Variants in STRBP observed in about 807,000 individuals in gnomAD.
STRBP encodes spermatid perinuclear RNA binding protein, also known as spermatid perinuclear RNA-binding protein.
STRBP carries 13 observed loss-of-function variants against 80.1 expected under a neutral mutation model. The observed-to-expected ratio is 0.16, with a 90% CI of 0.11 to 0.26. The LOEUF is 0.26. STRBP is among the 10% of genes least tolerant of loss of function. The pLI is 1.00. For missense variants in STRBP, 485 were observed against 815.2 expected, an observed-to-expected ratio of 0.59 and a Z score of 4.93; for synonymous variants, 284 against 291.2, an observed-to-expected ratio of 0.98 and a Z score of 0.25.
chr9:123,252,856 GA>G (rs1174157159), intron 1 of STRBP, among the ~76,000 whole-genome samples: 1 of 152,152 alleles, frequency 6.6e-6, no homozygotes, highest in African/African-American at 2.4e-5. Flanking sequence ...TTACTGAAGG[GA>G]AGTAACATGA....
chr9:123,257,678 C>A (rs2041064162), intron 1 of STRBP, among the ~76,000 whole-genome samples: 1 of 152,050 alleles, frequency 6.6e-6, no homozygotes, highest in African/African-American at 2.4e-5. Context: ...ATTAGCCAGG[C>A]ATGGTGGCAC....
intron 2 of STRBP, among the ~76,000 whole-genome samples, chr9:123,199,647 A>C (rs887759075): frequency 6.6e-6 from 1 of 152,194 alleles, no homozygotes; most frequent in African/African-American, 2.4e-5. Flanking sequence ...CAGATGTTAT[A>C]AAAGGGACTG....
chr9:123,164,689 G>A (rs2037677911), intron 6 of STRBP, among the ~76,000 whole-genome samples: 1 of 152,128 alleles, frequency 6.6e-6, no homozygotes, highest in Non-Finnish European at 1.5e-5. Flanking sequence ...AGTATCATGA[G>A]GGGCTCCTTG....
intron 16 of STRBP, among the ~76,000 whole-genome samples, chr9:123,133,685 A>T (rs1588457903): frequency 6.6e-6 from 1 of 151,972 alleles, no homozygotes; most frequent in South Asian, 2.1e-4. Context: ...AATTACAGGC[A>T]CCCGCCACCA....
At chr9:123,170,297 A>G (rs1020993724) in intron 5 of STRBP, among the ~76,000 whole-genome samples, 1 of 152,212 alleles carries the variant, frequency 6.6e-6, no homozygotes, top group Non-Finnish European at 1.5e-5. Flanking sequence ...TTATGAAACA[A>G]TATTTAAAAC....
At chr9:123,196,268 C>T (rs1233364878) in intron 2 of STRBP, among the ~76,000 whole-genome samples, 1 of 152,078 alleles carries the variant, frequency 6.6e-6, no homozygotes, top group Non-Finnish European at 1.5e-5. Flanking sequence ...AACTATAAAA[C>T]TACTAAAAGA....
intron 2 of STRBP, among the ~76,000 whole-genome samples, chr9:123,235,393 T>A (rs2040526929): frequency 6.6e-6 from 1 of 150,484 alleles, no homozygotes. Flanking sequence ...ACTGAAAGAA[T>A]GCTAGTCCCA....
At position 123,115,616 on chromosome 9, in the gene STRBP, C is replaced by T; in HGVS notation, c.*84+313G>A. ...GAGCCTGGTAAGAAGCAGTAGGTGACAGTGAATGGTTTTTCTCAATAAATC... is the reference window on the plus strand; with the variant it reads ...GAGCCTGGTAAGAAGCAGTAGGTGATAGTGAATGGTTTTTCTCAATAAATC... On this transcript the variant is annotated intron_variant and NMD_transcript_variant, in intron 3 of 3. Transcript: ENST00000471564. The surrounding 1 kb of genome is among the most constrained non-coding windows in gnomAD (Gnocchi z 5.0). 2.9e-6 allele frequency: 1 copy of T among 342,862 alleles called. No homozygotes were observed. The highest frequency in any genetic ancestry group is 5.8e-6 in the Non-Finnish European group (1 of 173,604). 21.2% of individuals were successfully genotyped at this position (342,862 alleles called of 1,614,324 possible).
At chr9:123,226,150 G>A (rs1438229094) in intron 2 of STRBP, among the ~76,000 whole-genome samples, 2 of 152,156 alleles carry the variant, frequency 1.3e-5, no homozygotes, top group Admixed American at 1.3e-4. Context: ...AAGCACAGAG[G>A]CTAAATGAAA....
intron 5 of STRBP, among the ~76,000 whole-genome samples, chr9:123,172,861 T>G (rs1185782928): frequency 2.0e-5 from 3 of 152,134 alleles, no homozygotes; most frequent in Admixed American, 1.3e-4. Flanking sequence ...TGAGTGGTGG[T>G]GGGGAGCATT....
At chr9:123,257,902 A>C (rs2041070255) in intron 1 of STRBP, among the ~76,000 whole-genome samples, 1 of 151,804 alleles carries the variant, frequency 6.6e-6, no homozygotes, top group Non-Finnish European at 1.5e-5. Context: ...ATTTATTTAC[A>C]AAATTGTATA....
chr9:123,116,903 C>G (rs1189785725), downstream of STRBP, among the ~76,000 whole-genome samples: 1 of 152,168 alleles, frequency 6.6e-6, no homozygotes, highest in Non-Finnish European at 1.5e-5. Context: ...AAAACTAATT[C>G]CTCAGAAAGG....
chr9:123,174,504 C>T (rs541443024), intron 4 of STRBP, among the ~76,000 whole-genome samples: 35 of 152,268 alleles, frequency 2.3e-4, no homozygotes, highest in Admixed American at 5.9e-4. Context: ...ACATGAATAC[C>T]ACTGTATATT....
At chr9:123,236,591 T>C (rs1019462476) in intron 2 of STRBP, among the ~76,000 whole-genome samples, 3 of 151,664 alleles carry the variant, frequency 2.0e-5, no homozygotes, top group Non-Finnish European at 2.9e-5. Flanking sequence ...TTGGTGATAT[T>C]AGACACCCTA....
chr9:123,202,770 T>C (rs918163964), intron 2 of STRBP, among the ~76,000 whole-genome samples: 8 of 152,210 alleles, frequency 5.3e-5, no homozygotes, highest in African/African-American at 7.2e-5. Flanking sequence ...CCTAATGTGA[T>C]TGTTATCCAT....
chr9:123,126,975 T>C lies in STRBP; in HGVS notation c.1942+1239A>G, dbSNP rs758537569. Among the ~76,000 whole-genome samples, 3 of 152,212 alleles carry C rather than the reference T, an allele frequency of 2.0e-5. No individual in the cohort carries two copies. Among genetic ancestry groups the C allele is most frequent in the Admixed American group, 6.5e-5 (1 of 15,286 alleles). ...TATTATTGCATTAGTCTCCAATTCC[T>C]AGTTACCCATACGGCTCAGTTCAAA... On this transcript the variant is annotated intron_variant, in intron 18 of 18. Transcript: ENST00000348403. The surrounding 1 kb of genome is among the most constrained non-coding windows in gnomAD (Gnocchi z 4.4).
chr9:123,160,702 A>G (rs2037487602), intron 7 of STRBP, among the ~76,000 whole-genome samples: 1 of 152,216 alleles, frequency 6.6e-6, no homozygotes, highest in Non-Finnish European at 1.5e-5. Context: ...CAACTACCTA[A>G]TTTAACCTTT....
chr9:123,182,217 TAAAAAAA>T (rs10546358), intron 3 of STRBP, among the ~76,000 whole-genome samples: 19 of 69,762 alleles, frequency 2.7e-4, no homozygotes, highest in African/African-American at 7.0e-4. Flanking sequence ...TCCGTTTCTT[TAAAAAAA>T]AAAAAAAAAA....
rs957748385 is a variant in STRBP at position 123,124,782 on chromosome 9, C to T, written c.*815G>A. On this transcript the variant is annotated 3_prime_UTR_variant, in exon 19 of 19. Transcript: ENST00000348403. Reference sequence around the variant, plus strand: ...ACTAGGATAATCACATTCTCCTTCCCCATCTCTGGGTAGTGCCATCATTTT... The same window carrying T: ...ACTAGGATAATCACATTCTCCTTCCTCATCTCTGGGTAGTGCCATCATTTT... 3 of 985,224 alleles carry T rather than the reference C, an allele frequency of 3.0e-6. No individual in the cohort carries two copies. The African/African-American group carries it at 5.2e-5, about 17-fold the overall frequency. The allele number at this position is 985,224 out of a possible 1,614,324, so 61.0% of individuals were successfully genotyped here.
Sources: gnomAD v4.1 joint callset for allele counts (sites outside exome capture counted in the v4.1 genomes callset) on GRCh38, gnomAD v4.1.1 for gene constraint, Gnocchi (gnomAD v3.1) non-coding constraint, MANE v1.5 for transcripts, NCBI Gene and HGNC (gene_info 2026-07-23, HGNC 2026-07-21) for gene names.